NDST3: variants seen among roughly 807,000 people sequenced by gnomAD.
The protein encoded by NDST3 is bifunctional heparan sulfate N-deacetylase/N-sulfotransferase 3.
Under a neutral mutation model 96.1 loss-of-function variants are expected in NDST3, and 58 were observed. The observed-to-expected ratio is 0.60, with a 90% CI of 0.49 to 0.75. The LOEUF is 0.75. NDST3 is among the 30% of genes least tolerant of loss of function. The pLI, the probability that NDST3 is intolerant of heterozygous loss-of-function variation, is 0.00. For synonymous variants in NDST3, 333 were observed against 359.7 expected (o/e 0.93, Z 0.84); for missense variants, 788 against 1,034.2 (o/e 0.76, Z 3.27).
chr4:118,142,709 C>T (rs1733656857), intron 5 of NDST3, among the ~76,000 whole-genome samples: 1 of 152,156 alleles, frequency 6.6e-6, no homozygotes, highest in South Asian at 2.1e-4. Context: ...GTGACAAACA[C>T]AGGTCACCAT....
chr4:118,053,576 CCTCTTTCTA>C (rs1282905323), intron 1 of NDST3, among the ~76,000 whole-genome samples, 171 bp from the exon 2 acceptor site: 5 of 151,790 alleles, frequency 3.3e-5, no homozygotes, highest in Non-Finnish European at 1.5e-5. Context: ...GACCCCTTTT[CCTCTTTCTA>C]CCAGTCCCAT....
At chr4:118,068,846 T>C (rs1275590428) in intron 2 of NDST3, among the ~76,000 whole-genome samples, 6 of 152,106 alleles carry the variant, frequency 3.9e-5, no homozygotes, top group Non-Finnish European at 7.4e-5. Context: ...CACAATAGAA[T>C]TAATAGTTTT....
intron 3 of NDST3, among the ~76,000 whole-genome samples, chr4:118,106,253 T>C (rs1730173987): frequency 6.6e-6 from 1 of 152,194 alleles, no homozygotes; most frequent in African/African-American, 2.4e-5. Flanking sequence ...TGAACAAAAA[T>C]ACTTAATTTT....
At chr4:118,159,447 T>C (rs967508055) in intron 6 of NDST3, among the ~76,000 whole-genome samples, 3 of 152,168 alleles carry the variant, frequency 2.0e-5, no homozygotes, top group Non-Finnish European at 4.4e-5. Context: ...TGGTGAAGGT[T>C]TGTTCCTATA....
chr4:118,144,486 C>A (rs1165337721), intron 6 of NDST3, among the ~76,000 whole-genome samples: 2 of 152,140 alleles, frequency 1.3e-5, no homozygotes. Flanking sequence ...GGCCGGGCTA[C>A]TCTTTTACTT....
chr4:118,132,844 A>G (rs145189041), intron 4 of NDST3, among the ~76,000 whole-genome samples: 86 of 152,248 alleles, frequency 5.6e-4, no homozygotes, highest in African/African-American at 2.1e-3. Context: ...GAGTATGTCA[A>G]GAAATATTCT....
intron 3 of NDST3, among the ~76,000 whole-genome samples, chr4:118,108,101 C>T (rs984660824): frequency 2.6e-5 from 4 of 152,146 alleles, no homozygotes; most frequent in African/African-American, 7.2e-5. Flanking sequence ...CATAAAATCT[C>T]GTGAGACTTC....
chr4:118,051,734 T>G (rs746158979), intron 1 of NDST3, among the ~76,000 whole-genome samples: 1 of 151,982 alleles, frequency 6.6e-6, no homozygotes, highest in Admixed American at 6.6e-5. Flanking sequence ...CCTGCCAAAA[T>G]AGTCTCTTTA....
At chr4:118,136,528 A>G (rs571134097) in intron 4 of NDST3, among the ~76,000 whole-genome samples, 1 of 152,306 alleles carries the variant, frequency 6.6e-6, no homozygotes, top group Admixed American at 6.5e-5. Flanking sequence ...TTTCAATTCA[A>G]TTTTTAGTGG....
intron 2 of NDST3, among the ~76,000 whole-genome samples, chr4:118,094,999 C>G (rs892870848): frequency 6.6e-6 from 1 of 151,784 alleles, no homozygotes; most frequent in African/African-American, 2.4e-5. Context: ...TTCACAAGTA[C>G]ATTTATTAAA....
At chr4:118,226,199 T>TA (rs1476693794) in intron 7 of NDST3, among the ~76,000 whole-genome samples, 3 of 152,136 alleles carry the variant, frequency 2.0e-5, no homozygotes. Context: ...ACATAATATA[T>TA]ACTTTGTTCT....
At chr4:118,115,445 C>T (rs763942890) in intron 4 of NDST3, among the ~76,000 whole-genome samples, 4 of 152,034 alleles carry the variant, frequency 2.6e-5, no homozygotes, top group African/African-American at 7.2e-5. Flanking sequence ...AATAAATCTT[C>T]GGGATCAGGA....
intron 2 of NDST3, among the ~76,000 whole-genome samples, chr4:118,060,658 T>C (rs1484795223): frequency 1.3e-5 from 2 of 152,126 alleles, no homozygotes; most frequent in African/African-American, 4.8e-5. Context: ...CCTTTTTACC[T>C]TCATTTGAAT....
intron 2 of NDST3, among the ~76,000 whole-genome samples, chr4:118,057,244 GT>G (rs1425194135): frequency 1.3e-5 from 2 of 152,026 alleles, no homozygotes; most frequent in Non-Finnish European, 2.9e-5. Context: ...GTTGATAATT[GT>G]TGATGATGTG....
rs201526248 is a variant in NDST3 at position 118,151,413 on chromosome 4, AAAC to A, written c.1539+7744_1539+7746del. The stretch of plus-strand genomic sequence containing the variant: ...AATAATAAAAAAAAGAAATATTAAA[AAAC>A]AACAACAACAACAAAAATAAAATAA... On this transcript the variant is annotated intron_variant, in intron 6 of 13. Coordinates refer to ENST00000296499, the MANE Select transcript of NDST3 (RefSeq NM_004784.3). 9.8e-3 allele frequency among the ~76,000 whole-genome samples: 1,491 copies of A among 152,194 alleles called. 21 individuals are homozygous for A. Among genetic ancestry groups the A allele is most frequent in the African/African-American group, 0.031 (1,286 of 41,524 alleles).
intron 2 of NDST3, among the ~76,000 whole-genome samples, chr4:118,072,076 C>G (rs1230495157): frequency 6.6e-6 from 1 of 152,010 alleles, no homozygotes; most frequent in Non-Finnish European, 1.5e-5. Flanking sequence ...CTAACCTGTT[C>G]CATTGGTTTA....
At chr4:118,071,942 T>C (rs1358590506) in intron 2 of NDST3, among the ~76,000 whole-genome samples, 1 of 152,120 alleles carries the variant, frequency 6.6e-6, no homozygotes, top group African/African-American at 2.4e-5. Flanking sequence ...ATAGCCATTC[T>C]GACTGGTGTA....
At chr4:118,211,749 T>C (rs574530943) in intron 6 of NDST3, among the ~76,000 whole-genome samples, 1 of 152,304 alleles carries the variant, frequency 6.6e-6, no homozygotes, top group Non-Finnish European at 1.5e-5. Flanking sequence ...GCTTGGACTT[T>C]TTGTGATGGT....
chr4:118,213,905 T>C (rs1339163274), intron 6 of NDST3, among the ~76,000 whole-genome samples: 1 of 152,106 alleles, frequency 6.6e-6, no homozygotes, highest in Non-Finnish European at 1.5e-5. Flanking sequence ...TAGCCTATTA[T>C]GTAATTAAAT....
Sources: gnomAD v4.1 joint callset for allele counts (sites outside exome capture counted in the v4.1 genomes callset) on GRCh38, gnomAD v4.1.1 for gene constraint, MANE v1.5 for transcripts, NCBI Gene and HGNC (gene_info 2026-07-23, HGNC 2026-07-21) for gene names.